CORO2B: variants seen among roughly 807,000 people sequenced by gnomAD.
CORO2B encodes coronin-2B.
In CORO2B, 26 loss-of-function variants were observed where a neutral mutation model predicts 58.8. The ratio of observed to expected loss-of-function variants is 0.44; its 90% CI spans 0.32 to 0.61. The LOEUF (loss-of-function observed/expected upper bound fraction) is 0.61. CORO2B is among the 20% of genes least tolerant of loss of function. CORO2B has a pLI of 0.04. For synonymous variants in CORO2B, 242 were observed against 253.8 expected (o/e 0.95, Z 0.44); for missense variants, 460 against 645.1 (o/e 0.71, Z 3.11).
intron 1 of CORO2B, among the ~76,000 whole-genome samples, chr15:68,624,674 G>T (rs1595974659): frequency 6.9e-6 from 1 of 144,642 alleles, no homozygotes; most frequent in African/African-American, 2.6e-5. Flanking sequence ...GGGCATCTCT[G>T]TTTTTTTTTT....
chr15:68,619,677 G>GTATATATA (rs1395684126), intron 1 of CORO2B, among the ~76,000 whole-genome samples: 4 of 152,012 alleles, frequency 2.6e-5, no homozygotes, highest in African/African-American at 9.7e-5. Flanking sequence ...GTGTGTGTGT[G>GTATATATA]TGTATATATA....
rs1281858479 is a variant in CORO2B at position 68,635,178 on chromosome 15, C to T, written c.16-9982C>T. ...AAAGGTTTTCCACCTTCACTCCTCT[C>T]CCCACTGGTCTTGAACCACCCATTT... On this transcript the variant is annotated intron_variant, in intron 1 of 11. Coordinates refer to ENST00000261861, the MANE Select transcript of CORO2B (RefSeq NM_006091.5). Among the ~76,000 whole-genome samples the T allele has an allele frequency of 5.3e-4, 80 of 152,208 alleles. 2 individuals carry two copies. The highest frequency in any genetic ancestry group is 5.2e-3 in the Admixed American group (80 of 15,278).
the CORO2B span, among the ~76,000 whole-genome samples, chr15:68,567,741 G>A: frequency 6.6e-6 from 1 of 152,228 alleles, no homozygotes; most frequent in African/African-American, 2.4e-5. Flanking sequence ...GCTGTGAAAG[G>A]CTGGGCACGG....
chr15:68,544,828 G>A, the CORO2B span, among the ~76,000 whole-genome samples: 4,002 of 151,094 alleles, frequency 0.026, 196 homozygotes, highest in African/African-American at 0.092. Flanking sequence ...CCAGGCTGGA[G>A]TGCGACGGCA....
In CORO2B at chr15:68,710,948, G is replaced by C. The variant is rs1471771684; in HGVS notation, c.483+67G>C. 2 of 1,482,684 alleles carry C rather than the reference G, an allele frequency of 1.3e-6. No homozygotes were observed. Among genetic ancestry groups the C allele is most frequent in the African/African-American group, 2.8e-5 (2 of 72,164 alleles). 91.8% of individuals were successfully genotyped at this position (1,482,684 alleles called of 1,614,324 possible). ...AGAGAAAGGGGCCTTTTGGGTACCC[G>C]TAGGAAGCACTGTTGCTTCCTAAGC... On this transcript the variant is annotated intron_variant, in intron 4 of 11. Transcript: ENST00000261861. The surrounding 1 kb of genome is among the most constrained non-coding windows in gnomAD (Gnocchi z 4.1).
Position 68,715,197 on chromosome 15 carries a change from C to T in CORO2B, c.871-18C>T. The T allele has an allele frequency of 6.2e-7, 1 of 1,611,778 alleles. No homozygotes were observed. Among genetic ancestry groups the T allele is most frequent in the Non-Finnish European group, 8.5e-7 (1 of 1,177,922 alleles). On this transcript the variant is annotated intron_variant, in intron 7 of 11. Coordinates refer to ENST00000261861, the MANE Select transcript of CORO2B (RefSeq NM_006091.5). ...CCCTACCTGCCACCTTCCTCAACTC[C>T]ATCTCTCCTGACCCCAGGGTGATGG...
intron 1 of CORO2B, among the ~76,000 whole-genome samples, chr15:68,580,206 C>A (rs1899391826): frequency 6.6e-6 from 1 of 152,190 alleles, no homozygotes; most frequent in Non-Finnish European, 1.5e-5. Context: ...GGGTGTGAAC[C>A]CACACTCTTC....
intron 1 of CORO2B, among the ~76,000 whole-genome samples, chr15:68,622,754 G>A (rs1305491857): frequency 2.0e-5 from 3 of 151,910 alleles, no homozygotes; most frequent in Non-Finnish European, 2.9e-5. Context: ...AGAGGACCAA[G>A]GCAGACACAG....
rs1260536469 is a variant in CORO2B at position 68,579,088 on chromosome 15, G to A, written c.-175G>A. On this transcript the variant is annotated 5_prime_UTR_variant, in exon 1 of 12. Transcript: ENST00000261861. Reference sequence around the variant, plus strand: ...CGACGAGCGGCGGGCGAGCGCCGACGAGCGGTCCCTGCGCGCTGCCCGCCC... The same window carrying A: ...CGACGAGCGGCGGGCGAGCGCCGACAAGCGGTCCCTGCGCGCTGCCCGCCC... 2.0e-6 allele frequency: 2 copies of A among 983,104 alleles called. No homozygotes were observed. Among genetic ancestry groups the A allele is most frequent in the Non-Finnish European group, 2.4e-6 (2 of 829,126 alleles). The allele number at this position is 983,104 out of a possible 1,614,324, so 60.9% of individuals were successfully genotyped here. A position where few individuals can be genotyped will look rare whatever the true frequency, so the allele number is the denominator to read the frequency against.
At chr15:68,647,190 G>A (rs1472512478) in intron 2 of CORO2B, among the ~76,000 whole-genome samples, 1 of 152,116 alleles carries the variant, frequency 6.6e-6, no homozygotes, top group Non-Finnish European at 1.5e-5. Context: ...AATGAAGAAA[G>A]GCTTCCTAAG....
the CORO2B span, among the ~76,000 whole-genome samples, chr15:68,533,160 C>T: frequency 6.6e-6 from 1 of 152,176 alleles, no homozygotes; most frequent in Non-Finnish European, 1.5e-5. Flanking sequence ...ACACAAATCC[C>T]CAGAGATCAT....
intron 2 of CORO2B, among the ~76,000 whole-genome samples, chr15:68,655,898 A>G (rs1035701965): frequency 3.9e-4 from 59 of 152,146 alleles, no homozygotes; most frequent in African/African-American, 1.4e-3. Flanking sequence ...AGGAACAAAA[A>G]TGATTTAGGG....
At chr15:68,703,176 G>A (rs1224753546) in intron 3 of CORO2B, among the ~76,000 whole-genome samples, 3 of 130,730 alleles carry the variant, frequency 2.3e-5, no homozygotes, top group Non-Finnish European at 4.8e-5. Flanking sequence ...TTTTGAGACG[G>A]AGTCTTGCTC....
At chr15:68,649,940 G>C (rs528013795) in intron 2 of CORO2B, among the ~76,000 whole-genome samples, 24 of 152,126 alleles carry the variant, frequency 1.6e-4, no homozygotes, top group Non-Finnish European at 3.4e-4. Context: ...AAATACTTTT[G>C]ACCCAATGGA....
chr15:68,677,063 G>A (rs757603412), intron 2 of CORO2B, among the ~76,000 whole-genome samples: 3 of 151,976 alleles, frequency 2.0e-5, no homozygotes, highest in Non-Finnish European at 2.9e-5. Flanking sequence ...CATGAGCCAC[G>A]GTGCCCAGTC....
At chr15:68,608,398 G>A (rs1403367188) in intron 1 of CORO2B, among the ~76,000 whole-genome samples, 2 of 152,206 alleles carry the variant, frequency 1.3e-5, no homozygotes, top group Admixed American at 6.5e-5. Context: ...GGAGGACTTC[G>A]GCCTGAAGGA....
chr15:68,527,931 ATTG>A, the CORO2B span, among the ~76,000 whole-genome samples: 2 of 152,066 alleles, frequency 1.3e-5, no homozygotes, highest in Non-Finnish European at 1.5e-5. Flanking sequence ...ATTTCTAGCT[ATTG>A]TTGTTGGTAG....
chr15:68,625,553 C>G (rs985602846), intron 1 of CORO2B, among the ~76,000 whole-genome samples: 3 of 152,046 alleles, frequency 2.0e-5, no homozygotes, highest in Non-Finnish European at 4.4e-5. Flanking sequence ...GGTATGCAGC[C>G]TTTGAGCCTG....
At chr15:68,566,439 C>G in the CORO2B span, among the ~76,000 whole-genome samples, 2 of 152,188 alleles carry the variant, frequency 1.3e-5, no homozygotes, top group Non-Finnish European at 2.9e-5. Context: ...TGAAGGAACT[C>G]CACTTAAAAT....
Sources: allele counts gnomAD v4.1 joint callset (sites outside exome capture counted in the v4.1 genomes callset), GRCh38; gene constraint gnomAD v4.1.1; non-coding constraint Gnocchi (gnomAD v3.1); transcripts MANE v1.5; gene names NCBI Gene and HGNC (gene_info 2026-07-23, HGNC 2026-07-21).